Variants in SRD5A2 observed in about 807,000 individuals in gnomAD.
The protein encoded by SRD5A2 is steroid 5 alpha-reductase 2.
In SRD5A2, 30 loss-of-function variants were observed where a neutral mutation model predicts 27.4. That is an observed-to-expected ratio of 1.10 (90% confidence interval 0.82 to 1.49). The LOEUF is 1.49. Among genes scored for constraint, SRD5A2 ranks in the 40% most tolerant of loss-of-function variants. The pLI, the probability that SRD5A2 is intolerant of heterozygous loss-of-function variation, is 0.00. For synonymous variants in SRD5A2, 141 were observed against 133.6 expected (o/e 1.06, Z -0.38); for missense variants, 348 against 323.4 (o/e 1.08, Z -0.58).
the SRD5A2 span, among the ~76,000 whole-genome samples, chr2:31,638,504 A>G: frequency 6.6e-6 from 1 of 152,216 alleles, no homozygotes; most frequent in African/African-American, 2.4e-5. Flanking sequence ...TGATCTGTCC[A>G]TTAGTAACAG....
intron 4 of SRD5A2, chr2:31,527,503 G>A (rs115140386): frequency 6.6e-6 from 1 of 152,316 alleles, no homozygotes; most frequent in Non-Finnish European, 1.5e-5. Context: ...TCTCTGGGAG[G>A]TCTGACATCA....
At chr2:31,573,827 G>A (rs1396845592) in intron 1 of SRD5A2, among the ~76,000 whole-genome samples, 1 of 152,168 alleles carries the variant, frequency 6.6e-6, no homozygotes, top group Non-Finnish European at 1.5e-5. Flanking sequence ...TTATTTCTGA[G>A]GTACTGTGTT....
intron 2 of SRD5A2, among the ~76,000 whole-genome samples, chr2:31,533,161 C>T (rs968428480): frequency 1.3e-5 from 2 of 152,114 alleles, no homozygotes; most frequent in Non-Finnish European, 2.9e-5. Context: ...TCCAGGGAAG[C>T]CAAAAGACTG....
chr2:31,639,196 A>G, the SRD5A2 span, among the ~76,000 whole-genome samples: 5 of 152,100 alleles, frequency 3.3e-5, no homozygotes, highest in African/African-American at 9.7e-5. Flanking sequence ...GGCAAAGACA[A>G]ATACACAAAA....
At chr2:31,564,310 T>C (rs532134337) in intron 1 of SRD5A2, among the ~76,000 whole-genome samples, 1 of 151,548 alleles carries the variant, frequency 6.6e-6, no homozygotes, top group East Asian at 1.9e-4. Flanking sequence ...TAAGACATTG[T>C]AGAAGAAAAG....
chr2:31,528,629 ATGG>A (rs1665831888), intron 4 of SRD5A2, among the ~76,000 whole-genome samples: 1 of 152,114 alleles, frequency 6.6e-6, no homozygotes, highest in African/African-American at 2.4e-5. Flanking sequence ...TTAGCTGGGC[ATGG>A]TGGTGGGCCT....
chr2:31,529,143 A>T (rs1219639635), intron 4 of SRD5A2, among the ~76,000 whole-genome samples, 164 bp downstream of exon 4: 3 of 152,230 alleles, frequency 2.0e-5, no homozygotes, highest in African/African-American at 7.2e-5. Flanking sequence ...TTCCAACTTC[A>T]ATACAAGCCC....
chr2:31,582,687 T>A (rs1211057434), upstream of SRD5A2, among the ~76,000 whole-genome samples: 1 of 152,172 alleles, frequency 6.6e-6, no homozygotes, highest in Non-Finnish European at 1.5e-5. Flanking sequence ...AAACTCCACT[T>A]ACATGTCCTT....
At chr2:31,614,747 C>A in the SRD5A2 span, among the ~76,000 whole-genome samples, 1 of 152,166 alleles carries the variant, frequency 6.6e-6, no homozygotes, top group Admixed American at 6.5e-5. Context: ...GGCGGAAGTT[C>A]CAAAACTTTA....
At chr2:31,609,109 C>G in the SRD5A2 span, among the ~76,000 whole-genome samples, 1 of 152,038 alleles carries the variant, frequency 6.6e-6, no homozygotes, top group Admixed American at 6.6e-5. Context: ...TCCACTGACA[C>G]CTTCATCTTG....
At chr2:31,587,744 TC>T in the SRD5A2 span, among the ~76,000 whole-genome samples, 1 of 151,976 alleles carries the variant, frequency 6.6e-6, no homozygotes, top group South Asian at 2.1e-4. Flanking sequence ...CCAGGACCTG[TC>T]AAGGGGTTGG....
the SRD5A2 span, among the ~76,000 whole-genome samples, chr2:31,627,897 G>A: frequency 2.2e-4 from 33 of 152,022 alleles, 1 homozygote; most frequent in African/African-American, 5.8e-4. Flanking sequence ...GCCAAATTAC[G>A]TAGTCAATTT....
intron 1 of SRD5A2, among the ~76,000 whole-genome samples, chr2:31,548,822 G>A (rs1666317120): frequency 6.6e-6 from 1 of 152,092 alleles, no homozygotes; most frequent in African/African-American, 2.4e-5. Context: ...GCTAAAATGT[G>A]GAAGCAATCA....
At chr2:31,628,275 G>A in the SRD5A2 span, among the ~76,000 whole-genome samples, 96 of 152,080 alleles carry the variant, frequency 6.3e-4, no homozygotes, top group Admixed American at 1.7e-3. Flanking sequence ...TGTTTCTTCT[G>A]AAATTAGAAC....
chr2:31,529,569 G>T, intron 3 of SRD5A2, 112 bp from the exon 4 acceptor site: 1 of 1,415,962 alleles, frequency 7.1e-7, no homozygotes, highest in Non-Finnish European at 9.5e-7. Flanking sequence ...TGTGGGGCTG[G>T]AGGCTCCCTC....
At chr2:31,585,806 T>G (rs1372846180), upstream of SRD5A2, among the ~76,000 whole-genome samples, 2 of 152,106 alleles carry the variant, frequency 1.3e-5, no homozygotes, top group African/African-American at 4.8e-5. Context: ...AGACCTTTCC[T>G]GGGCCACAGG....
At position 31,528,729 on chromosome 2, in the gene SRD5A2, G is replaced by T. The variant is rs545318990; in HGVS notation, c.698+578C>A. ...TGCAGTGAGGCAAGATCGCCCCATT[G>T]CACTTCAGCCTGGGCATCAGAGTGA... On this transcript the variant is annotated intron_variant, in intron 4 of 4. Transcript: ENST00000622030. Among the ~76,000 whole-genome samples, 15 of 152,184 alleles carry T rather than the reference G, an allele frequency of 9.9e-5. No homozygotes were observed. In the South Asian group the frequency reaches 2.3e-3, roughly 23 times the overall value.
the SRD5A2 span, among the ~76,000 whole-genome samples, chr2:31,625,784 T>C: frequency 6.6e-6 from 1 of 152,210 alleles, no homozygotes; most frequent in African/African-American, 2.4e-5. Context: ...TAATTTGAAG[T>C]CAGGTAGTGT....
At chr2:31,621,385 T>C in the SRD5A2 span, among the ~76,000 whole-genome samples, 1 of 152,094 alleles carries the variant, frequency 6.6e-6, no homozygotes, top group Non-Finnish European at 1.5e-5. Context: ...CCATTTGGGA[T>C]TTTCAATCAG....
Sources: allele counts gnomAD v4.1 joint callset (sites outside exome capture counted in the v4.1 genomes callset), GRCh38; gene constraint gnomAD v4.1.1; transcripts MANE v1.5; gene names NCBI Gene and HGNC (gene_info 2026-07-23, HGNC 2026-07-21).